Variants in XRCC5 observed in about 807,000 individuals in gnomAD.
XRCC5 encodes X-ray repair cross complementing 5, also known as DNA repair protein Ku80.
A neutral mutation model predicts 95.7 loss-of-function variants in XRCC5; 12 were observed. The observed-to-expected ratio is 0.13, with a 90% CI of 0.08 to 0.20. The LOEUF is 0.20. Ranked by LOEUF, XRCC5 falls within the 10% of genes least tolerant of loss-of-function variation. XRCC5 has a pLI of 1.00. For missense variants in XRCC5, 595 were observed against 873.9 expected, an observed-to-expected ratio of 0.68 and a Z score of 4.02; for synonymous variants, 281 against 290.3, an observed-to-expected ratio of 0.97 and a Z score of 0.33.
chr2:216,181,523 G>C (rs1209354702), intron 16 of XRCC5, among the ~76,000 whole-genome samples: 5 of 152,092 alleles, frequency 3.3e-5, no homozygotes, highest in Non-Finnish European at 7.4e-5. Context: ...TTCTAAAGCT[G>C]ATTAACTCTT....
chr2:216,190,294 G>A lies in XRCC5; in HGVS notation c.1904G>A (p.Ser635Asn). 1.2e-6 allele frequency: 2 copies of A among 1,613,954 alleles called. No individual in the cohort carries two copies. The highest frequency in any genetic ancestry group is 1.7e-6 in the Non-Finnish European group (2 of 1,179,896). Residue 635 changes from serine (S) to asparagine (N), a missense_variant, in exon 17 of 21, where the codon AGC (serine) becomes AAC (asparagine). Ser to Asn is a conservative substitution (Grantham distance 46). This residue lies in a region of XRCC5 where 309 missense variants were observed against 382.9 expected (regional missense o/e 0.81). Transcript: ENST00000392132. The part of the protein sequence containing the change: ...DTNETPYFMK[S>N]IDCIRAFREE... The stretch of plus-strand genomic sequence containing the variant: ...AATGAAACACCGTATTTTATGAAGA[G>A]CATAGACTGCATCCGAGCCTTCCGG...
intron 4 of XRCC5, among the ~76,000 whole-genome samples, chr2:216,118,462 C>T (rs189371144): frequency 5.9e-5 from 9 of 152,316 alleles, no homozygotes; most frequent in African/African-American, 1.9e-4. Context: ...CAGGCATGAA[C>T]CACCATGCCT....
intron 19 of XRCC5, among the ~76,000 whole-genome samples, chr2:216,203,365 A>G (rs545536501): frequency 1.3e-5 from 2 of 152,356 alleles, no homozygotes; most frequent in South Asian, 2.1e-4. Context: ...GCATGCTACC[A>G]GAAAATCACC....
rs371433865 is a variant in XRCC5 at position 216,148,265 on chromosome 2, T to C, written c.1659T>C (p.Ile553=). The change falls in exon 14 of 21, where the codon ATT becomes ATC. Residue 553 remains isoleucine, a synonymous_variant. Transcript: ENST00000392132. ...KKKDQVTAQE[I]FQDNHEDGPT... ...AGGATCAAGTGACTGCTCAGGAAAT[T>C]TTCCAAGACAAGTAAGTACTTGGTA... 25 of 1,609,564 alleles carry C rather than the reference T, an allele frequency of 1.6e-5. No individual in the cohort carries two copies. Among genetic ancestry groups the C allele is most frequent in the Non-Finnish European group, 2.0e-5 (23 of 1,178,976 alleles).
intron 7 of XRCC5, among the ~76,000 whole-genome samples, chr2:216,126,427 A>G (rs1210433766): frequency 1.3e-5 from 2 of 152,230 alleles, no homozygotes; most frequent in African/African-American, 2.4e-5. Context: ...ACCTAATTCA[A>G]TTATGAATGA....
chr2:216,109,719 A>G (rs1441297349), intron 1 of XRCC5, among the ~76,000 whole-genome samples: 6 of 124,386 alleles, frequency 4.8e-5, no homozygotes, highest in Admixed American at 4.8e-4. Context: ...CTCCCTCTCT[A>G]CCTGCTCTTT....
chr2:216,148,346 G>A, intron 14 of XRCC5, 70 bp downstream of exon 14: 1 of 1,434,268 alleles, frequency 7.0e-7, no homozygotes, highest in Non-Finnish European at 9.5e-7. Context: ...GAGTGGCTCT[G>A]GAAGTGTCAC....
rs551851866 is a variant in XRCC5 at position 216,168,340 on chromosome 2, A to G, written c.1834+6292A>G. Among the ~76,000 whole-genome samples the G allele has an allele frequency of 3.3e-5, 5 of 152,206 alleles. No homozygotes were observed. The South Asian group carries it at 1.0e-3, about 32-fold the overall frequency. ...TGTATATTTCATTGGATGGCACAGC[A>G]CCACCCTGAAGTTTACATCTTAATA... is the stretch of plus-strand genomic sequence containing the variant. On this transcript the variant is annotated intron_variant, in intron 16 of 20. Coordinates refer to ENST00000392132, the MANE Select transcript of XRCC5 (RefSeq NM_021141.4).
chr2:216,194,519 G>A (rs1689679598), intron 18 of XRCC5, among the ~76,000 whole-genome samples: 1 of 152,230 alleles, frequency 6.6e-6, no homozygotes, highest in South Asian at 2.1e-4. Context: ...GTTGATCAAG[G>A]AAGGCTTCAT....
At chr2:216,156,609 T>C in intron 14 of XRCC5, 1 of 570,724 alleles carries the variant, frequency 1.8e-6, no homozygotes, top group Non-Finnish European at 3.5e-6. Flanking sequence ...AGACCTGGAC[T>C]TAACTTCTTT....
In XRCC5 at chr2:216,109,357, C is replaced by T. The variant is rs1321160602; in HGVS notation, c.-80C>T. On this transcript the variant is annotated 5_prime_UTR_variant, in exon 1 of 21. Transcript: ENST00000392132. ...CGAAGCGGCTCTTTCCGCTATCTGC[C>T]GCTTGTCCACCGGAAGCGAGTTGCG... is the stretch of plus-strand genomic sequence containing the variant. 12 of 1,607,500 alleles carry T rather than the reference C, an allele frequency of 7.5e-6. No individual in the cohort carries two copies. In the East Asian group the frequency reaches 1.3e-4, roughly 18 times the overall value.
intron 16 of XRCC5, among the ~76,000 whole-genome samples, chr2:216,167,706 T>C (rs892139609): frequency 2.0e-5 from 3 of 151,978 alleles, no homozygotes; most frequent in East Asian, 1.9e-4. Flanking sequence ...GATAAAAATA[T>C]GGCGTTTTTC....
At chr2:216,128,616 A>C (rs1002760287) in intron 8 of XRCC5, among the ~76,000 whole-genome samples, 20 of 152,228 alleles carry the variant, frequency 1.3e-4, no homozygotes, top group African/African-American at 3.6e-4. Flanking sequence ...ATTTGATCCT[A>C]GTATAATGAC....
intron 14 of XRCC5, among the ~76,000 whole-genome samples, chr2:216,149,847 T>G (rs1688710537): frequency 6.6e-6 from 1 of 152,170 alleles, no homozygotes; most frequent in African/African-American, 2.4e-5. Context: ...TTCTTGTTCT[T>G]TGCTCCCATA....
At chr2:216,122,029 A>G (rs974214972) in intron 5 of XRCC5, 33 bp from the exon 6 acceptor site, 15 of 1,567,256 alleles carry the variant, frequency 9.6e-6, no homozygotes, top group Non-Finnish European at 1.3e-5. Context: ...TTACAGGATT[A>G]GAACACTAAC....
intron 16 of XRCC5, among the ~76,000 whole-genome samples, chr2:216,185,815 G>GT (rs1255973152): frequency 1.3e-5 from 2 of 151,984 alleles, no homozygotes; most frequent in African/African-American, 2.4e-5. Context: ...AGTAGAGACA[G>GT]GGTTTCACAA....
Position 216,148,288 on chromosome 2 carries a change from G to C in XRCC5, c.1670+12G>C. ...ATTTTCCAAGACAAGTAAGTACTTG[G>C]TATAGTTGCATTTAACATTGGGGTA... On this transcript the variant is annotated intron_variant, in intron 14 of 20. Coordinates refer to ENST00000392132, the MANE Select transcript of XRCC5 (RefSeq NM_021141.4). 6.2e-7 allele frequency: 1 copy of C among 1,601,274 alleles called. No homozygotes were observed. The highest frequency in any genetic ancestry group is 8.5e-7 in the Non-Finnish European group (1 of 1,176,044).
At chr2:216,140,661 G>T (rs1229693440) in intron 12 of XRCC5, among the ~76,000 whole-genome samples, 1 of 152,150 alleles carries the variant, frequency 6.6e-6, no homozygotes, top group African/African-American at 2.4e-5. Flanking sequence ...AGCTTATTCA[G>T]CCTCAGTAGA....
At chr2:216,203,414 T>G (rs1003471368) in intron 19 of XRCC5, among the ~76,000 whole-genome samples, 7 of 152,292 alleles carry the variant, frequency 4.6e-5, no homozygotes, top group Admixed American at 3.9e-4. Flanking sequence ...TAGATAGATA[T>G]GCATTGCTAG....
Sources: gnomAD v4.1 joint callset for allele counts (sites outside exome capture counted in the v4.1 genomes callset) on GRCh38, gnomAD v4.1.1 for gene constraint, gnomAD v4.1.1 regional missense constraint, MANE v1.5 for transcripts, NCBI Gene and HGNC (gene_info 2026-07-23, HGNC 2026-07-21) for gene names.